UBTD2: variants seen among roughly 807,000 people sequenced by gnomAD.
UBTD2 encodes ubiquitin domain-containing protein 2.
In UBTD2, 9 loss-of-function variants were observed where a neutral mutation model predicts 19.8. That is an observed-to-expected ratio of 0.46 (90% confidence interval 0.27 to 0.79). The LOEUF (loss-of-function observed/expected upper bound fraction) is 0.79. Ranked by LOEUF, UBTD2 falls within the 30% of genes least tolerant of loss-of-function variation. UBTD2 has a pLI of 0.14. For missense variants in UBTD2, 250 were observed against 300.4 expected, an observed-to-expected ratio of 0.83 and a Z score of 1.24; for synonymous variants, 98 against 103.9, an observed-to-expected ratio of 0.94 and a Z score of 0.35.
chr5:172,228,593 C>T (rs557258681), intron 2 of UBTD2, among the ~76,000 whole-genome samples: 17 of 152,100 alleles, frequency 1.1e-4, no homozygotes, highest in South Asian at 2.1e-4. Context: ...TGGTGCTGCA[C>T]GCCTGTAATC....
intron 1 of UBTD2, among the ~76,000 whole-genome samples, chr5:172,278,658 A>G (rs933126842): frequency 2.0e-5 from 3 of 152,228 alleles, no homozygotes; most frequent in African/African-American, 7.2e-5. Flanking sequence ...AAAAGGGCAA[A>G]TATTTTATGA....
At position 172,246,751 on chromosome 5, in the gene UBTD2, CTTTTTTTTTT is replaced by C. The variant is rs70982379; in HGVS notation, c.71-12403_71-12394del. Reference sequence around the variant, plus strand: ...GAGCCACCACGCCCAGCCGAGATTGCTTTTTTTTTTTTTTTTTTTTTTTTTTTTTTGAGAC... The same window carrying C: ...GAGCCACCACGCCCAGCCGAGATTGCTTTTTTTTTTTTTTTTTTTTGAGAC... On this transcript the variant is annotated intron_variant, in intron 1 of 2. Coordinates refer to ENST00000393792, the MANE Select transcript of UBTD2 (RefSeq NM_152277.3). Among the ~76,000 whole-genome samples the C allele has an allele frequency of 1.1e-3, 67 of 62,472 alleles. 1 individual carries two copies. Among genetic ancestry groups the C allele is most frequent in the South Asian group, 5.3e-3 (8 of 1,500 alleles). 41.0% of individuals were successfully genotyped at this position (62,472 alleles called of 152,430 possible).
intron 2 of UBTD2, among the ~76,000 whole-genome samples, chr5:172,227,222 A>G (rs1170258521): frequency 1.3e-5 from 2 of 152,206 alleles, no homozygotes; most frequent in East Asian, 3.8e-4. Context: ...TGACTCAGGG[A>G]CAACCTCTCA....
chr5:172,238,425 AAAACCACAC>A (rs1297121681), intron 1 of UBTD2, among the ~76,000 whole-genome samples: 2 of 152,236 alleles, frequency 1.3e-5, no homozygotes, highest in Non-Finnish European at 2.9e-5. Flanking sequence ...CTAATCTTAA[AAAACCACAC>A]AATCTATTTC....
intron 1 of UBTD2, among the ~76,000 whole-genome samples, chr5:172,279,171 A>T (rs1017028924): frequency 1.3e-5 from 2 of 152,262 alleles, no homozygotes; most frequent in Non-Finnish European, 2.9e-5. Flanking sequence ...ACTGCCAGTT[A>T]TAAGCTATGT....
At chr5:172,263,748 G>A (rs974729992) in intron 1 of UBTD2, among the ~76,000 whole-genome samples, 25 of 152,028 alleles carry the variant, frequency 1.6e-4, no homozygotes, top group African/African-American at 4.8e-4. Flanking sequence ...AGCCGAGATC[G>A]CGCCACTGCA....
chr5:172,283,541 C>T lies in UBTD2; in HGVS notation c.70+55G>A. ...GGCCCGCGGGGGTCGGGACAGGTGG[C>T]CGGGCCTGGCCGGGAACAATGGGGG... On this transcript the variant is annotated intron_variant, in intron 1 of 2. Coordinates refer to ENST00000393792, the MANE Select transcript of UBTD2 (RefSeq NM_152277.3). The surrounding 1 kb of genome is among the most constrained non-coding windows in gnomAD (Gnocchi z 4.3). 1 of 1,252,282 alleles carries T rather than the reference C, an allele frequency of 8.0e-7. No individual in the cohort carries two copies. Among genetic ancestry groups the T allele is most frequent in the Non-Finnish European group, 1.0e-6 (1 of 989,448 alleles). 77.6% of individuals were successfully genotyped at this position (1,252,282 alleles called of 1,614,324 possible). A position where few individuals can be genotyped will look rare whatever the true frequency, so the allele number is the denominator to read the frequency against.
chr5:172,218,818 A>T (rs200087802), intron 2 of UBTD2, among the ~76,000 whole-genome samples: 107 of 71,628 alleles, frequency 1.5e-3, no homozygotes, highest in East Asian at 0.014. Context: ...AATAAAAAAT[A>T]AAAATAAAAA....
intron 2 of UBTD2, among the ~76,000 whole-genome samples, chr5:172,218,572 C>T (rs1229305703): frequency 1.3e-5 from 2 of 151,744 alleles, no homozygotes. Context: ...TGCTTGAGTC[C>T]AGGAGTTTGC....
chr5:172,259,172 T>G (rs1305235092), intron 1 of UBTD2, among the ~76,000 whole-genome samples: 1 of 152,084 alleles, frequency 6.6e-6, no homozygotes, highest in Non-Finnish European at 1.5e-5. Flanking sequence ...AGACAGAGTC[T>G]CGTTATGTTA....
At chr5:172,239,050 A>AATACATAT (rs951992319) in intron 1 of UBTD2, among the ~76,000 whole-genome samples, 16 of 152,038 alleles carry the variant, frequency 1.1e-4, no homozygotes, top group African/African-American at 3.9e-4. Context: ...ATACATGCAT[A>AATACATAT]ATACATATAT....
At chr5:172,264,642 G>A (rs973860900) in intron 1 of UBTD2, among the ~76,000 whole-genome samples, 1 of 151,474 alleles carries the variant, frequency 6.6e-6, no homozygotes, top group African/African-American at 2.4e-5. Flanking sequence ...GGGAGGCCAA[G>A]ACAAGAGGAT....
intron 1 of UBTD2, among the ~76,000 whole-genome samples, chr5:172,253,967 G>A (rs772501146): frequency 5.3e-5 from 8 of 152,160 alleles, no homozygotes; most frequent in Non-Finnish European, 1.2e-4. Flanking sequence ...TAAGGAGAGG[G>A]AGGATTAGAC....
chr5:172,259,574 G>A (rs1426162927), intron 1 of UBTD2, among the ~76,000 whole-genome samples: 1 of 152,118 alleles, frequency 6.6e-6, no homozygotes, highest in Non-Finnish European at 1.5e-5. Context: ...TATGTTGTAT[G>A]TGTATATGTA....
chr5:172,246,074 T>A (rs924608723), intron 1 of UBTD2, among the ~76,000 whole-genome samples: 1 of 152,174 alleles, frequency 6.6e-6, no homozygotes, highest in African/African-American at 2.4e-5. Flanking sequence ...GATCCAGATG[T>A]TGAAATTATC....
chr5:172,273,421 T>C (rs889764207), intron 1 of UBTD2, among the ~76,000 whole-genome samples: 14 of 151,810 alleles, frequency 9.2e-5, no homozygotes, highest in South Asian at 6.2e-4. Context: ...TGAAACCTCA[T>C]CTCTACTAAA....
At chr5:172,226,931 T>C (rs1771778129) in intron 2 of UBTD2, among the ~76,000 whole-genome samples, 1 of 152,180 alleles carries the variant, frequency 6.6e-6, no homozygotes. Flanking sequence ...TGTATACGTA[T>C]TGTTGATGTC....
upstream of UBTD2, chr5:172,284,113 G>C (rs1302087707): frequency 6.6e-6 from 1 of 150,964 alleles, no homozygotes; most frequent in Non-Finnish European, 1.5e-5. Flanking sequence ...GGCCCGCCCG[G>C]AATCGCCGGA....
intron 2 of UBTD2, among the ~76,000 whole-genome samples, chr5:172,217,259 A>C (rs1461137226): frequency 1.5e-5 from 1 of 66,202 alleles, no homozygotes; most frequent in East Asian, 5.2e-4. Flanking sequence ...TAAAAATACA[A>C]AAAAAAAAAA....
Sources: allele counts gnomAD v4.1 joint callset (sites outside exome capture counted in the v4.1 genomes callset), GRCh38; gene constraint gnomAD v4.1.1; non-coding constraint Gnocchi (gnomAD v3.1); transcripts MANE v1.5; gene names NCBI Gene and HGNC (gene_info 2026-07-23, HGNC 2026-07-21).